The following VPS54 variants were observed in gnomAD, a reference collection of about 807,000 sequenced individuals.
VPS54 encodes vacuolar protein sorting-associated protein 54.
In VPS54, 45 loss-of-function variants were observed where a neutral mutation model predicts 121.5. That is an observed-to-expected ratio of 0.37 (90% CI 0.29 to 0.47). The LOEUF (loss-of-function observed/expected upper bound fraction) is 0.47, where lower values mean the gene tolerates loss of function less well. Among genes scored for constraint, VPS54 ranks in the 20% least tolerant of loss-of-function variants. The probability of loss-of-function intolerance (pLI) is 0.99; values close to 1 mark genes in which losing one functional copy is unlikely to be tolerated. For synonymous variants in VPS54, 371 were observed against 385.8 expected (o/e 0.96, Z 0.45); for missense variants, 1,090 against 1,131.4 (o/e 0.96, Z 0.52).
chr2:63,998,066 C>A (rs1051006868), intron 1 of VPS54, among the ~76,000 whole-genome samples: 1 of 151,864 alleles, frequency 6.6e-6, no homozygotes, highest in Non-Finnish European at 1.5e-5. Context: ...TTTGAATTGT[C>A]TTCTTTATTT....
intron 7 of VPS54, among the ~76,000 whole-genome samples, chr2:63,950,866 A>G (rs1432945980): frequency 6.6e-6 from 1 of 152,094 alleles, no homozygotes. Context: ...TATTTTCTAA[A>G]TGGTATCCAG....
intron 16 of VPS54, 76 bp downstream of exon 16, chr2:63,916,824 T>A: frequency 1.4e-6 from 2 of 1,438,000 alleles, no homozygotes; most frequent in Non-Finnish European, 1.9e-6. Flanking sequence ...AAATTTCCAA[T>A]TCACTTCAAG....
At chr2:63,899,159 C>G (rs1319371728) in intron 21 of VPS54, among the ~76,000 whole-genome samples, 1 of 152,166 alleles carries the variant, frequency 6.6e-6, no homozygotes, top group Non-Finnish European at 1.5e-5. Flanking sequence ...TAAAGGCCAA[C>G]TCTAATTTTC....
chr2:63,914,251 A>G lies in VPS54; in HGVS notation c.2265T>C (p.Tyr755=). The part of the protein sequence containing the change: ...VLLLIRIILE[Y]CQCVDNIPSV... Reference sequence around the variant, plus strand: ...ATGGGATGTTATCCACACACTGGCAATATTCAAGGATAATTCTTATTAACA... The same window carrying G: ...ATGGGATGTTATCCACACACTGGCAGTATTCAAGGATAATTCTTATTAACA... Residue 755 remains tyrosine, a synonymous_variant, in exon 17 of 23, where the codon TAT becomes TAC. Transcript: ENST00000272322. The G allele has an allele frequency of 6.2e-7, 1 of 1,613,566 alleles. No individual in the cohort carries two copies. Among genetic ancestry groups the G allele is most frequent in the Non-Finnish European group, 8.5e-7 (1 of 1,179,702 alleles).
At chr2:63,986,569 T>C (rs1487273569) in intron 1 of VPS54, among the ~76,000 whole-genome samples, 3 of 152,242 alleles carry the variant, frequency 2.0e-5, no homozygotes, top group Non-Finnish European at 4.4e-5. Context: ...GCAATAAATA[T>C]GGATATCTCT....
chr2:63,915,735 G>A (rs1223465892), intron 16 of VPS54, among the ~76,000 whole-genome samples: 1 of 152,196 alleles, frequency 6.6e-6, no homozygotes, highest in Non-Finnish European at 1.5e-5. Context: ...AACAGGGAAG[G>A]ACTTCAGAAG....
intron 1 of VPS54, among the ~76,000 whole-genome samples, chr2:64,008,042 A>G (rs750777594): frequency 3.3e-5 from 5 of 152,100 alleles, no homozygotes; most frequent in Non-Finnish European, 5.9e-5. Flanking sequence ...AGAGTTGAGC[A>G]AGAATCTTTT....
At chr2:63,955,461 C>A (rs906371272) in intron 7 of VPS54, among the ~76,000 whole-genome samples, 1 of 151,910 alleles carries the variant, frequency 6.6e-6, no homozygotes, top group Non-Finnish European at 1.5e-5. Flanking sequence ...TATGACTGTA[C>A]CTACTGATAT....
At chr2:63,968,407 G>A (rs1265069591) in intron 5 of VPS54, among the ~76,000 whole-genome samples, 3 of 148,616 alleles carry the variant, frequency 2.0e-5, no homozygotes, top group Non-Finnish European at 4.5e-5. Flanking sequence ...ACATTTTTTC[G>A]TTTAAAAAAA....
intron 17 of VPS54, 142 bp downstream of exon 17, chr2:63,914,040 T>A (rs1043286248): frequency 1.7e-5 from 17 of 1,014,428 alleles, no homozygotes; most frequent in Non-Finnish European, 2.5e-5. Flanking sequence ...TAACATGTTG[T>A]GATTCAACCA....
At chr2:63,917,317 G>A (rs1673430632) in intron 15 of VPS54, among the ~76,000 whole-genome samples, 1 of 151,938 alleles carries the variant, frequency 6.6e-6, no homozygotes, top group East Asian at 1.9e-4. Context: ...GCTGGCACAA[G>A]GTAAATGATC....
At chr2:63,936,742 T>C (rs1177705354) in intron 11 of VPS54, among the ~76,000 whole-genome samples, 1 of 152,142 alleles carries the variant, frequency 6.6e-6, no homozygotes, top group African/African-American at 2.4e-5. Flanking sequence ...ATGGAAGTCT[T>C]ATAATCCTGA....
In VPS54 at chr2:63,994,330, C is replaced by G. The variant is rs1677479447; in HGVS notation, c.-20-10311G>C. 2.0e-5 allele frequency among the ~76,000 whole-genome samples: 3 copies of G among 152,282 alleles called. No individual in the cohort carries two copies. The South Asian group carries it at 6.2e-4, about 32-fold the overall frequency. On this transcript the variant is annotated intron_variant, in intron 1 of 22. Coordinates refer to ENST00000272322, the MANE Select transcript of VPS54 (RefSeq NM_016516.3). ...TTAATGATTCCCCTCCTTATACTTT[C>G]TGTCTCACCAGTTTCCTTTCACACT...
At chr2:63,993,313 G>A (rs1212720383) in intron 1 of VPS54, among the ~76,000 whole-genome samples, 2 of 152,126 alleles carry the variant, frequency 1.3e-5, no homozygotes, top group African/African-American at 2.4e-5. Context: ...TATGCTGCGG[G>A]GAGATTCCAA....
chr2:63,966,613 T>C (rs1024764929), intron 5 of VPS54, among the ~76,000 whole-genome samples: 1 of 152,210 alleles, frequency 6.6e-6, no homozygotes, highest in South Asian at 2.1e-4. Context: ...CCTATACTAC[T>C]GTTAGAGATA....
At chr2:63,905,484 A>G (rs952290832) in intron 20 of VPS54, among the ~76,000 whole-genome samples, 1 of 152,106 alleles carries the variant, frequency 6.6e-6, no homozygotes, top group African/African-American at 2.4e-5. Context: ...AGTGTACTCA[A>G]GTAGATTACC....
intron 20 of VPS54, 45 bp downstream of exon 20, chr2:63,912,300 C>A: frequency 1.4e-6 from 2 of 1,466,134 alleles, no homozygotes; most frequent in South Asian, 2.5e-5. Flanking sequence ...AATAGAAAAT[C>A]ATAATGTCTT....
intron 9 of VPS54, among the ~76,000 whole-genome samples, chr2:63,945,743 A>G (rs563920723): frequency 5.9e-5 from 9 of 152,326 alleles, no homozygotes; most frequent in South Asian, 2.1e-4. Flanking sequence ...AAGCAGAACT[A>G]TAATACTTAG....
At chr2:63,932,840 A>T (rs1674277117) in intron 12 of VPS54, among the ~76,000 whole-genome samples, 1 of 152,070 alleles carries the variant, frequency 6.6e-6, no homozygotes, top group Non-Finnish European at 1.5e-5. Context: ...TTTAAATGGG[A>T]TCTGTGGATC....
Sources: gnomAD v4.1 joint callset for allele counts (sites outside exome capture counted in the v4.1 genomes callset) on GRCh38, gnomAD v4.1.1 for gene constraint, MANE v1.5 for transcripts, NCBI Gene and HGNC (gene_info 2026-07-23, HGNC 2026-07-21) for gene names.